The following MMS22L variants were observed in gnomAD, a reference collection of about 807,000 sequenced individuals.
The protein encoded by MMS22L is MMS22 like, DNA repair protein, also known as protein MMS22-like.
MMS22L carries 74 observed loss-of-function variants against 159.1 expected under a neutral mutation model. The observed-to-expected ratio is 0.47, with a 90% CI of 0.39 to 0.56. The LOEUF (loss-of-function observed/expected upper bound fraction) is 0.56. MMS22L is among the 20% of genes least tolerant of loss of function. The probability of loss-of-function intolerance (pLI) is 0.00; values close to 1 mark genes in which losing one functional copy is unlikely to be tolerated. For synonymous variants in MMS22L, 517 were observed against 506.9 expected (o/e 1.02, Z -0.27); for missense variants, 1,351 against 1,422.1 (o/e 0.95, Z 0.80).
chr6:97,167,110 A>G (rs1392080348), intron 20 of MMS22L, among the ~76,000 whole-genome samples: 2 of 152,148 alleles, frequency 1.3e-5, no homozygotes, highest in Non-Finnish European at 2.9e-5. Flanking sequence ...AATGAATAAT[A>G]AAGTACACCT....
chr6:97,233,565 A>G (rs539014364), intron 12 of MMS22L, among the ~76,000 whole-genome samples: 114 of 152,224 alleles, frequency 7.5e-4, no homozygotes, highest in Non-Finnish European at 1.4e-3. Context: ...TGTCATGAGC[A>G]ATCAATTATT....
chr6:97,265,153 A>T (rs1480768521), intron 8 of MMS22L: 2 of 152,238 alleles, frequency 1.3e-5, no homozygotes, highest in Non-Finnish European at 2.9e-5. Flanking sequence ...AATATACTAC[A>T]AAGCTACAGT....
chr6:97,267,948 T>C lies in MMS22L; in HGVS notation c.752A>G (p.Asn251Ser), dbSNP rs746173023. The change falls in exon 8 of 25, where the codon AAC becomes AGC. Residue 251 changes from asparagine (N) to serine (S), a missense_variant. Physicochemically the swap from Asn to Ser is conservative, Grantham distance 46. Coordinates refer to ENST00000683635, the MANE Select transcript of MMS22L (RefSeq NM_001350599.2). ...ACAATGTTCTTCAAATAGGCTGATGTTGGTTAAATTGTCACTTGCCAGATT... is the reference window on the plus strand; with the variant it reads ...ACAATGTTCTTCAAATAGGCTGATGCTGGTTAAATTGTCACTTGCCAGATT... ...FMNLASDNLTNISLFEEHCET... is the reference protein window; with the variant it reads ...FMNLASDNLTSISLFEEHCET... The C allele has an allele frequency of 6.2e-7, 1 of 1,608,622 alleles. No homozygotes were observed. Among genetic ancestry groups the C allele is most frequent in the Admixed American group, 1.7e-5 (1 of 58,630 alleles).
chr6:97,263,792 T>G, intron 8 of MMS22L: 1 of 156,174 alleles, frequency 6.4e-6, no homozygotes, highest in East Asian at 1.9e-4. Context: ...CACTGCAAGC[T>G]CCGCCTCCCA....
rs1296882017 is a variant in MMS22L, at chr6:97,146,474, A to G, written c.*332T>C. On this transcript the variant is annotated 3_prime_UTR_variant, in exon 25 of 25. Coordinates refer to ENST00000683635, the MANE Select transcript of MMS22L (RefSeq NM_001350599.2). ...TCACAAGGCAGGGAGGCAGGAAGTC[A>G]TACTACAACAAAAAGTCTATGGATG... 6.1e-6 allele frequency: 1 copy of G among 165,196 alleles called. No homozygotes were observed. The highest frequency in any genetic ancestry group is 1.3e-5 in the Non-Finnish European group (1 of 76,928). The allele number at this position is 165,196 out of a possible 1,614,324, so 10.2% of individuals were successfully genotyped here.
rs1328631155 is a variant in MMS22L at position 97,281,370 on chromosome 6, G to A, written c.165-8C>T. On this transcript the variant is annotated splice_polypyrimidine_tract_variant and splice_region_variant and intron_variant, in intron 2 of 24. Transcript: ENST00000683635. The stretch of plus-strand genomic sequence containing the variant: ...TCAAGATTCAAAATCAATCTGAAAT[G>A]AAAATTGTTTCAATCTCATAAAAAG... 1.3e-5 allele frequency: 21 copies of A among 1,586,600 alleles called. No individual in the cohort carries two copies. Among genetic ancestry groups the A allele is most frequent in the Non-Finnish European group, 1.8e-5 (21 of 1,167,870 alleles).
At chr6:97,249,003 G>C (rs1812956826) in intron 10 of MMS22L, among the ~76,000 whole-genome samples, 1 of 151,198 alleles carries the variant, frequency 6.6e-6, no homozygotes, top group Non-Finnish European at 1.5e-5. Flanking sequence ...GAGAGTGAAG[G>C]CTGGACACAC....
chr6:97,221,803 C>A (rs1265106281), intron 14 of MMS22L, among the ~76,000 whole-genome samples: 3 of 151,884 alleles, frequency 2.0e-5, no homozygotes, highest in Non-Finnish European at 4.4e-5. Flanking sequence ...TAGAACACTG[C>A]CTCAAAATTT....
chr6:97,218,102 T>A (rs1167124207), intron 14 of MMS22L, among the ~76,000 whole-genome samples: 1 of 152,098 alleles, frequency 6.6e-6, no homozygotes, highest in Non-Finnish European at 1.5e-5. Flanking sequence ...AACTAGTGAA[T>A]TAGAAAGATA....
chr6:97,236,366 T>C lies in MMS22L; in HGVS notation c.1183-2386A>G, dbSNP rs558190857. Among the ~76,000 whole-genome samples the C allele has an allele frequency of 2.0e-5, 3 of 149,742 alleles. No homozygotes were observed. The South Asian group carries it at 6.4e-4, about 32-fold the overall frequency. On this transcript the variant is annotated intron_variant, in intron 11 of 24. Coordinates refer to ENST00000683635, the MANE Select transcript of MMS22L (RefSeq NM_001350599.2). ...AAAGAGAAGTTCTGAAGTAAGTCAT[T>C]AAGTCATTTTGGAGAGCAGAAAAGC...
chr6:97,202,479 T>A (rs1358051425), intron 14 of MMS22L, among the ~76,000 whole-genome samples: 4 of 152,216 alleles, frequency 2.6e-5, no homozygotes, highest in African/African-American at 4.8e-5. Flanking sequence ...ATGCATATAA[T>A]CTTCAATGAC....
At chr6:97,273,093 G>A (rs911294159) in intron 4 of MMS22L, 31 bp from the exon 5 acceptor site, 2 of 1,547,304 alleles carry the variant, frequency 1.3e-6, no homozygotes, top group Non-Finnish European at 1.8e-6. Context: ...GTTAATCATA[G>A]TTCAAATAAT....
intron 14 of MMS22L, among the ~76,000 whole-genome samples, chr6:97,215,581 T>A (rs917668169): frequency 2.0e-5 from 3 of 152,128 alleles, no homozygotes; most frequent in Non-Finnish European, 4.4e-5. Context: ...CTAGGCAATT[T>A]AGATCCAATC....
At chr6:97,166,839 G>C (rs1367255325) in intron 20 of MMS22L, among the ~76,000 whole-genome samples, 1 of 152,012 alleles carries the variant, frequency 6.6e-6, no homozygotes, top group African/African-American at 2.4e-5. Context: ...TCCCTCTGTG[G>C]GATTGGCGGT....
At chr6:97,199,940 C>A (rs2128298657) in intron 14 of MMS22L, among the ~76,000 whole-genome samples, 1 of 152,062 alleles carries the variant, frequency 6.6e-6, no homozygotes, top group East Asian at 1.9e-4. Context: ...AAGCCCCATC[C>A]CCTTTCTTCT....
At chr6:97,278,203 G>C (rs370714596) in intron 4 of MMS22L, among the ~76,000 whole-genome samples, 3 of 152,116 alleles carry the variant, frequency 2.0e-5, no homozygotes, top group Non-Finnish European at 2.9e-5. Flanking sequence ...AGGAGTTTGC[G>C]ATCAGCCTGG....
chr6:97,269,706 A>C (rs1276243128), intron 7 of MMS22L, among the ~76,000 whole-genome samples, 196 bp downstream of exon 7: 1 of 152,192 alleles, frequency 6.6e-6, no homozygotes, highest in Non-Finnish European at 1.5e-5. Flanking sequence ...AACAGATAGA[A>C]GGTAAATATG....
intron 14 of MMS22L, among the ~76,000 whole-genome samples, chr6:97,193,418 CA>C (rs1314761488): frequency 1.3e-5 from 2 of 152,078 alleles, no homozygotes; most frequent in Non-Finnish European, 2.9e-5. Flanking sequence ...GAAAACATAC[CA>C]GTAAGAAGTC....
chr6:97,187,681 T>C (rs752139064), intron 14 of MMS22L, among the ~76,000 whole-genome samples: 7 of 152,136 alleles, frequency 4.6e-5, no homozygotes, highest in Non-Finnish European at 5.9e-5. Flanking sequence ...AATAATTAAG[T>C]ACTTTAAAAA....
Sources: allele counts gnomAD v4.1 joint callset (sites outside exome capture counted in the v4.1 genomes callset), GRCh38; gene constraint gnomAD v4.1.1; transcripts MANE v1.5; gene names NCBI Gene and HGNC (gene_info 2026-07-23, HGNC 2026-07-21).